The following NKAIN2 variants were observed in gnomAD, a reference collection of about 807,000 sequenced individuals.
The protein encoded by NKAIN2 is sodium/potassium-transporting ATPase subunit beta-1-interacting protein 2.
A neutral mutation model predicts 32.6 loss-of-function variants in NKAIN2; 14 were observed. The observed-to-expected ratio is 0.43, with a 90% confidence interval of 0.28 to 0.67. The LOEUF is 0.67. Among genes scored for constraint, NKAIN2 ranks in the 30% least tolerant of loss-of-function variants. The probability of loss-of-function intolerance (pLI) is 0.17; values close to 1 mark genes in which losing one functional copy is unlikely to be tolerated. For missense variants in NKAIN2, 198 were observed against 258.3 expected (o/e 0.77, Z 1.60); for synonymous variants, 80 against 87.2 (o/e 0.92, Z 0.46).
intron 1 of NKAIN2, among the ~76,000 whole-genome samples, chr6:123,912,306 AAAT>A (rs1184961829): frequency 2.6e-5 from 4 of 151,992 alleles, no homozygotes; most frequent in South Asian, 2.1e-4. Flanking sequence ...ATTTTATAAT[AAAT>A]AATGTATATA....
In NKAIN2 at chr6:124,653,310, T is replaced by C. The variant is rs148526939; in HGVS notation, c.274-4876T>C. Among the ~76,000 whole-genome samples the C allele has an allele frequency of 3.0e-4, 45 of 152,072 alleles. No homozygotes were observed. The East Asian group carries it at 8.3e-3, about 28-fold the overall frequency. ...GCAAAAGAAGAGACAAATAGATCAA[T>C]GGAACAGAATAGAGAACCTAGAAGT... On this transcript the variant is annotated intron_variant, in intron 3 of 6. Transcript: ENST00000368417.
At chr6:124,335,015 A>G (rs1797809815) in intron 2 of NKAIN2, among the ~76,000 whole-genome samples, 1 of 152,154 alleles carries the variant, frequency 6.6e-6, no homozygotes. Context: ...TTCACTAGAT[A>G]TAGAAAGAGT....
In NKAIN2 at chr6:123,938,429, TATATATATATATATATATATATACAC is replaced by T. The variant is rs1266347075; in HGVS notation, c.54+134177_54+134202del. ...ATATATATATATATATATATATATA[TATATATATATATATATATATATACAC>T]ACACACACACACGCATATTATACAT... is the stretch of plus-strand genomic sequence containing the variant. On this transcript the variant is annotated intron_variant, in intron 1 of 6. Transcript: ENST00000368417. 4.0e-3 allele frequency among the ~76,000 whole-genome samples: 174 copies of T among 43,944 alleles called. 4 individuals carry two copies. The highest frequency in any genetic ancestry group is 0.024 in the African/African-American group (167 of 7,096). The allele number at this position is 43,944 out of a possible 152,430, so 28.8% of individuals were successfully genotyped here. A position where few individuals can be genotyped will look rare whatever the true frequency, so the allele number is the denominator to read the frequency against.
chr6:124,170,046 A>G (rs1330561330), intron 1 of NKAIN2, among the ~76,000 whole-genome samples: 1 of 152,148 alleles, frequency 6.6e-6, no homozygotes, highest in Admixed American at 6.5e-5. Flanking sequence ...ACTTCCTAGA[A>G]GAATGGGGAT....
intron 3 of NKAIN2, among the ~76,000 whole-genome samples, chr6:124,407,566 G>A (rs1453196619): frequency 6.6e-6 from 1 of 152,058 alleles, no homozygotes; most frequent in Non-Finnish European, 1.5e-5. Flanking sequence ...TGGTGTATAT[G>A]TGCCACATTT....
chr6:124,502,079 G>A (rs905852477), intron 3 of NKAIN2, among the ~76,000 whole-genome samples: 17 of 152,012 alleles, frequency 1.1e-4, no homozygotes, highest in Non-Finnish European at 2.5e-4. Flanking sequence ...ACTCTAGCCC[G>A]GGTGACAGAG....
intron 1 of NKAIN2, among the ~76,000 whole-genome samples, chr6:123,828,034 C>T (rs1401164152): frequency 4.6e-5 from 7 of 152,020 alleles, no homozygotes; most frequent in Non-Finnish European, 1.0e-4. Flanking sequence ...CTTTGGTTTT[C>T]CTTTTCTTTG....
intron 1 of NKAIN2, among the ~76,000 whole-genome samples, chr6:124,254,443 G>A (rs1036628412): frequency 6.6e-6 from 1 of 152,126 alleles, no homozygotes; most frequent in Non-Finnish European, 1.5e-5. Flanking sequence ...TTTTTGTGGT[G>A]GGAGGCACTA....
intron 1 of NKAIN2, among the ~76,000 whole-genome samples, chr6:124,051,117 C>G (rs910548162): frequency 6.6e-6 from 1 of 151,910 alleles, no homozygotes; most frequent in African/African-American, 2.4e-5. Flanking sequence ...GTGGCTAAAG[C>G]CTTGTGTTTT....
At chr6:123,883,648 A>ATTTTTTTTTT (rs1562238042) in intron 1 of NKAIN2, among the ~76,000 whole-genome samples, 1 of 111,814 alleles carries the variant, frequency 8.9e-6, no homozygotes, top group East Asian at 3.2e-4. Context: ...TTTTAAAAAA[A>ATTTTTTTTTT]AATTTTTTTT....
intron 2 of NKAIN2, among the ~76,000 whole-genome samples, chr6:124,323,995 G>C (rs1797313250): frequency 6.6e-6 from 1 of 151,854 alleles, no homozygotes; most frequent in African/African-American, 2.4e-5. Flanking sequence ...GTTACACCGT[G>C]TTAGCCAGGA....
At chr6:124,369,345 A>T (rs576939982) in intron 3 of NKAIN2, among the ~76,000 whole-genome samples, 3 of 152,282 alleles carry the variant, frequency 2.0e-5, no homozygotes, top group African/African-American at 7.2e-5. Context: ...ATTGAATTTT[A>T]AAAAATGGAC....
chr6:124,055,840 A>C (rs1012986052), intron 1 of NKAIN2, among the ~76,000 whole-genome samples: 1 of 152,084 alleles, frequency 6.6e-6, no homozygotes, highest in Non-Finnish European at 1.5e-5. Context: ...TGGGATATTC[A>C]AAAAGGTAAG....
At chr6:124,394,471 A>AT (rs1773279777) in intron 3 of NKAIN2, among the ~76,000 whole-genome samples, 1 of 150,156 alleles carries the variant, frequency 6.7e-6, no homozygotes, top group South Asian at 2.1e-4. Flanking sequence ...AGATAGATAG[A>AT]TAGATAGATA....
At chr6:124,344,507 T>C (rs1305774814) in intron 2 of NKAIN2, among the ~76,000 whole-genome samples, 2 of 151,566 alleles carry the variant, frequency 1.3e-5, no homozygotes, top group African/African-American at 4.8e-5. Flanking sequence ...TTTTATTTCA[T>C]TGAGCAGTGG....
intron 1 of NKAIN2, among the ~76,000 whole-genome samples, chr6:123,827,054 A>G (rs1774176816): frequency 6.6e-6 from 1 of 152,058 alleles, no homozygotes; most frequent in Non-Finnish European, 1.5e-5. Context: ...GTGAAGTGGA[A>G]TCTCATTGTG....
chr6:124,420,635 C>G (rs780719815), intron 3 of NKAIN2, among the ~76,000 whole-genome samples: 13 of 152,088 alleles, frequency 8.5e-5, no homozygotes, highest in Non-Finnish European at 1.9e-4. Context: ...CAAGCATTTT[C>G]TCTTTGAATG....
intron 3 of NKAIN2, among the ~76,000 whole-genome samples, chr6:124,486,095 C>G (rs1305699799): frequency 6.6e-6 from 1 of 152,116 alleles, no homozygotes; most frequent in East Asian, 1.9e-4. Flanking sequence ...CCCTGTCATC[C>G]TCATTTGTTA....
At chr6:124,285,162 A>G (rs1486723369) in intron 2 of NKAIN2, among the ~76,000 whole-genome samples, 3 of 152,296 alleles carry the variant, frequency 2.0e-5, no homozygotes, top group East Asian at 3.9e-4. Context: ...ATCACTGTGC[A>G]TTTGGATTTT....
Sources: gnomAD v4.1 joint callset for allele counts (sites outside exome capture counted in the v4.1 genomes callset) on GRCh38, gnomAD v4.1.1 for gene constraint, MANE v1.5 for transcripts, NCBI Gene and HGNC (gene_info 2026-07-23, HGNC 2026-07-21) for gene names.